RASSF4: variants seen among roughly 807,000 people sequenced by gnomAD.
RASSF4 encodes the protein ras association domain-containing protein 4.
RASSF4 carries 38 observed loss-of-function variants against 41.1 expected under a neutral mutation model. That is an observed-to-expected ratio of 0.92 (90% CI 0.71 to 1.21). The LOEUF is 1.21. RASSF4 is among the 50% of genes most tolerant of loss of function. The probability of loss-of-function intolerance (pLI) is 0.00; values close to 1 mark genes in which losing one functional copy is unlikely to be tolerated. For synonymous variants in RASSF4, 179 were observed against 163.4 expected, an observed-to-expected ratio of 1.10 and a Z score of -0.73; for missense variants, 414 against 419.4, an observed-to-expected ratio of 0.99 and a Z score of 0.11.
intron 3 of RASSF4, among the ~76,000 whole-genome samples, chr10:44,980,700 G>A (rs1841672735): frequency 6.6e-6 from 1 of 152,156 alleles, no homozygotes; most frequent in Non-Finnish European, 1.5e-5. Flanking sequence ...CGAGCCCCTC[G>A]TGGCCAGGGC....
chr10:44,963,305 C>T (rs1259484288), intron 1 of RASSF4, among the ~76,000 whole-genome samples: 6 of 151,948 alleles, frequency 3.9e-5, no homozygotes, highest in African/African-American at 1.5e-4. Flanking sequence ...GCTGAGTCGC[C>T]GCCTGCCATC....
At chr10:44,986,516 G>C (rs1841926548) in intron 6 of RASSF4, among the ~76,000 whole-genome samples, 1 of 152,248 alleles carries the variant, frequency 6.6e-6, no homozygotes, top group African/African-American at 2.4e-5. Context: ...CCTAGTGACA[G>C]ATTTGCCCTT....
chr10:44,980,723 A>G (rs141597215), intron 3 of RASSF4, among the ~76,000 whole-genome samples: 60 of 152,232 alleles, frequency 3.9e-4, no homozygotes, highest in African/African-American at 1.4e-3. Flanking sequence ...TGTCTGCTCC[A>G]TCTTCCTCTG....
At chr10:44,970,036 G>A (rs1234106683) in intron 1 of RASSF4, 129 bp from the exon 2 acceptor site, 10 of 650,514 alleles carry the variant, frequency 1.5e-5, no homozygotes, top group Non-Finnish European at 2.8e-5. Flanking sequence ...TTCAGCCGCA[G>A]CCACCTTGTG....
At chr10:44,985,047 C>A (rs1168279526) in intron 6 of RASSF4, 77 bp downstream of exon 6, 2 of 1,501,248 alleles carry the variant, frequency 1.3e-6, no homozygotes, top group African/African-American at 2.8e-5. Flanking sequence ...GCACCATGAC[C>A]TGTGTGGGGG....
chr10:44,988,799 G>A (rs2132802426), intron 6 of RASSF4, among the ~76,000 whole-genome samples: 1 of 152,334 alleles, frequency 6.6e-6, no homozygotes, highest in East Asian at 1.9e-4. Flanking sequence ...CAGCGGTGCA[G>A]ACTACGGATT....
rs746895713 is a variant in RASSF4 at position 44,990,962 on chromosome 10, A to G, written c.700A>G (p.Lys234Glu). ...TTCTTTTTCAGAGCGGACAAAATTAAAAGACTGCGAGTACCCGCTGATTTC... is the reference window on the plus strand; with the variant it reads ...TTCTTTTTCAGAGCGGACAAAATTAGAAGACTGCGAGTACCCGCTGATTTC... Reference protein sequence around the residue: ...VHESGERTKLKDCEYPLISRI... With the variant: ...VHESGERTKLEDCEYPLISRI... Residue 234 changes from lysine (K) to glutamate (E), a missense_variant, in exon 9 of 11, where the codon AAA becomes GAA. Transcript: ENST00000340258. 3 of 1,612,868 alleles carry G rather than the reference A, an allele frequency of 1.9e-6. No homozygotes were observed. The East Asian group carries it at 6.7e-5, about 36-fold the overall frequency.
At chr10:44,977,012 TC>T (rs1192572450) in intron 3 of RASSF4, 4 of 167,064 alleles carry the variant, frequency 2.4e-5, no homozygotes, top group African/African-American at 9.5e-5. Flanking sequence ...ACCACCAGTT[TC>T]CCCACCAGCG....
intron 3 of RASSF4, chr10:44,977,400 C>T: frequency 6.3e-7 from 1 of 1,580,964 alleles, no homozygotes; most frequent in Non-Finnish European, 8.6e-7. Context: ...GGTCAGAGTT[C>T]ATGGATCACC....
At chr10:44,985,303 A>G (rs942762040) in intron 6 of RASSF4, among the ~76,000 whole-genome samples, 1 of 151,902 alleles carries the variant, frequency 6.6e-6, no homozygotes, top group Non-Finnish European at 1.5e-5. Flanking sequence ...AACACTGTGT[A>G]TCCAGCCATC....
intron 3 of RASSF4, chr10:44,976,966 C>G (rs1841454460): frequency 6.3e-6 from 1 of 157,852 alleles, no homozygotes; most frequent in Non-Finnish European, 1.4e-5. Flanking sequence ...TCTGAAACAC[C>G]TGGGGGGCTG....
At position 44,993,529 on chromosome 10, in the gene RASSF4, G is replaced by A. The variant is rs368587655; in HGVS notation, c.*200G>A. Reference sequence around the variant, plus strand: ...CCAAGATGAGCACCCACAGGAAGCCGACCCAGGCCTGAGGGGCCAGGAACT... The same window carrying A: ...CCAAGATGAGCACCCACAGGAAGCCAACCCAGGCCTGAGGGGCCAGGAACT... On this transcript the variant is annotated 3_prime_UTR_variant, in exon 11 of 11. Coordinates refer to ENST00000340258, the MANE Select transcript of RASSF4 (RefSeq NM_032023.4). 24 of 590,158 alleles carry A rather than the reference G, an allele frequency of 4.1e-5. No homozygotes were observed. The East Asian group carries it at 6.2e-4, about 15-fold the overall frequency. 36.6% of individuals were successfully genotyped at this position (590,158 alleles called of 1,614,324 possible). A position where few individuals can be genotyped will look rare whatever the true frequency, so the allele number is the denominator to read the frequency against.
Position 44,993,384 on chromosome 10 carries a change from C to T in RASSF4, c.*55C>T. On this transcript the variant is annotated 3_prime_UTR_variant, in exon 11 of 11. Transcript: ENST00000340258. ...CCAGCAGTGGCAGGTGTACACTGAG[C>T]CCTGGTTGCTGGCCCCGGCCGGTCA... 2.1e-6 allele frequency: 3 copies of T among 1,448,278 alleles called. No homozygotes were observed. The highest frequency in any genetic ancestry group is 2.8e-6 in the Non-Finnish European group (3 of 1,058,772). 89.7% of individuals were successfully genotyped at this position (1,448,278 alleles called of 1,614,324 possible). A position where few individuals can be genotyped will look rare whatever the true frequency, so the allele number is the denominator to read the frequency against.
Position 44,967,866 on chromosome 10 carries a change from CAG to C in RASSF4, c.-38-2294_-38-2293del, listed in dbSNP as rs1840967725. On this transcript the variant is annotated intron_variant, in intron 1 of 10. Transcript: ENST00000340258. ...GGGGAAATGGGAAGAGACGATGGGG[CAG>C]AGAGGGGCTGCCCCAACATGGACTG... Among the ~76,000 whole-genome samples, 4 of 152,228 alleles carry C rather than the reference CAG, an allele frequency of 2.6e-5. No homozygotes were observed. In the South Asian group the frequency reaches 8.3e-4, roughly 32 times the overall value.
intron 3 of RASSF4, among the ~76,000 whole-genome samples, chr10:44,975,266 G>A (rs1267470564): frequency 1.3e-5 from 2 of 152,168 alleles, no homozygotes; most frequent in Non-Finnish European, 2.9e-5. Flanking sequence ...CCTTGAGAGA[G>A]TTGCCCCGTC....
chr10:44,985,537 G>A (rs1198676188), intron 6 of RASSF4, among the ~76,000 whole-genome samples: 1 of 152,252 alleles, frequency 6.6e-6, no homozygotes, highest in African/African-American at 2.4e-5. Flanking sequence ...TGGCTGTCTG[G>A]GCAAGGCCCT....
At chr10:44,982,831 G>A in intron 4 of RASSF4, 168 bp downstream of exon 4, 1 of 769,494 alleles carries the variant, frequency 1.3e-6, no homozygotes, top group Non-Finnish European at 2.2e-6. Flanking sequence ...GCCTCGCCCA[G>A]GGTGGCCTCT....
chr10:44,989,760 G>T (rs1320836740), intron 8 of RASSF4, 39 bp downstream of exon 8: 1 of 1,576,036 alleles, frequency 6.3e-7, no homozygotes, highest in Non-Finnish European at 8.7e-7. Flanking sequence ...AAAAGCAAAA[G>T]GTCTCTACCT....
At chr10:44,963,331 G>C (rs1467719678) in intron 1 of RASSF4, among the ~76,000 whole-genome samples, 3 of 152,146 alleles carry the variant, frequency 2.0e-5, no homozygotes. Flanking sequence ...CCAGACAGCC[G>C]GCTCTCACCA....
Sources: gnomAD v4.1 joint callset for allele counts (sites outside exome capture counted in the v4.1 genomes callset) on GRCh38, gnomAD v4.1.1 for gene constraint, MANE v1.5 for transcripts, NCBI Gene and HGNC (gene_info 2026-07-23, HGNC 2026-07-21) for gene names.